CDC14A: variants seen among roughly 807,000 people sequenced by gnomAD.
CDC14A encodes the protein dual specificity protein phosphatase CDC14A.
In CDC14A, 53 loss-of-function variants were observed where a neutral mutation model predicts 74.4. The ratio of observed to expected loss-of-function variants is 0.71; its 90% CI spans 0.57 to 0.89. The LOEUF (loss-of-function observed/expected upper bound fraction) is 0.89. Among genes scored for constraint, CDC14A ranks in the 40% least tolerant of loss-of-function variants. The pLI is 0.00. For synonymous variants in CDC14A, 247 were observed against 258.4 expected (o/e 0.96, Z 0.43); for missense variants, 646 against 713.7 (o/e 0.91, Z 1.08).
At chr1:100,510,788 C>A (rs1430403626) in intron 15 of CDC14A, among the ~76,000 whole-genome samples, 1 of 152,166 alleles carries the variant, frequency 6.6e-6, no homozygotes. Context: ...TCTAATTTAC[C>A]CGGCCCTTCA....
At chr1:100,441,924 A>G (rs1393020976) in intron 6 of CDC14A, among the ~76,000 whole-genome samples, 1 of 152,172 alleles carries the variant, frequency 6.6e-6, no homozygotes, top group Non-Finnish European at 1.5e-5. Flanking sequence ...TGATAGATGT[A>G]CTGGAGCTTG....
intron 3 of CDC14A, 82 bp from the exon 4 acceptor site, chr1:100,390,650 G>A: frequency 1.2e-6 from 1 of 848,658 alleles, no homozygotes; most frequent in Admixed American, 1.9e-5. Flanking sequence ...ACATCTTGAA[G>A]GTTAAGAGAT....
chr1:100,412,768 T>A lies in CDC14A; in HGVS notation c.310-11454T>A, dbSNP rs984599278. ...TATATATATATTTTATATATATATA[T>A]TATATATATATATATAGTATGTATG... On this transcript the variant is annotated intron_variant, in intron 4 of 15. Transcript: ENST00000336454. Among the ~76,000 whole-genome samples the A allele has an allele frequency of 5.8e-4, 46 of 78,838 alleles. 1 individual carries two copies. Among genetic ancestry groups the A allele is most frequent in the Non-Finnish European group, 9.9e-4 (40 of 40,276 alleles). The allele number at this position is 78,838 out of a possible 152,430, so 51.7% of individuals were successfully genotyped here.
chr1:100,504,759 T>C, intron 15 of CDC14A: 1 of 1,334,278 alleles, frequency 7.5e-7, no homozygotes, highest in Non-Finnish European at 1.0e-6. Flanking sequence ...TCTGTAGTAT[T>C]GTATCTTTGC....
chr1:100,360,234 G>C (rs576069137), intron 2 of CDC14A, among the ~76,000 whole-genome samples: 1 of 151,522 alleles, frequency 6.6e-6, no homozygotes, highest in East Asian at 1.9e-4. Flanking sequence ...TTACAGGCAT[G>C]AGCCACTGTG....
At chr1:100,463,888 C>G (rs895760950) in intron 9 of CDC14A, among the ~76,000 whole-genome samples, 2 of 151,982 alleles carry the variant, frequency 1.3e-5, no homozygotes, top group Non-Finnish European at 2.9e-5. Context: ...TGCAGCTCCT[C>G]CTAGTGTCGC....
At chr1:100,467,581 G>T (rs941125851) in intron 9 of CDC14A, among the ~76,000 whole-genome samples, 1 of 151,878 alleles carries the variant, frequency 6.6e-6, no homozygotes, top group Non-Finnish European at 1.5e-5. Flanking sequence ...CATCTTTGTT[G>T]CAGTTGCTCA....
intron 10 of CDC14A, among the ~76,000 whole-genome samples, chr1:100,469,870 A>C (rs930143383): frequency 6.6e-6 from 1 of 152,190 alleles, no homozygotes; most frequent in Non-Finnish European, 1.5e-5. Context: ...GCCATATCTC[A>C]AAATAGTAAG....
At chr1:100,500,713 G>A (rs1445578811) in intron 15 of CDC14A, among the ~76,000 whole-genome samples, 2 of 128,052 alleles carry the variant, frequency 1.6e-5, no homozygotes, top group Admixed American at 9.4e-5. Context: ...ATCGTGCCAC[G>A]GCACTCCAGC....
intron 4 of CDC14A, among the ~76,000 whole-genome samples, chr1:100,406,840 C>T (rs1437765355): frequency 1.3e-5 from 2 of 151,630 alleles, no homozygotes; most frequent in African/African-American, 2.4e-5. Flanking sequence ...GCAGGAGAAT[C>T]ACCTGAACCC....
At chr1:100,494,296 G>C (rs1170207857) in intron 11 of CDC14A, among the ~76,000 whole-genome samples, 1 of 152,188 alleles carries the variant, frequency 6.6e-6, no homozygotes, top group Non-Finnish European at 1.5e-5. Flanking sequence ...AAGATCTAGT[G>C]AACATGGTCC....
chr1:100,450,639 C>T (rs546234757), intron 7 of CDC14A, among the ~76,000 whole-genome samples: 6 of 152,176 alleles, frequency 3.9e-5, no homozygotes, highest in South Asian at 2.1e-4. Flanking sequence ...TCCTGGCCAC[C>T]GCAACTGCAA....
intron 11 of CDC14A, chr1:100,485,696 C>T (rs1366617088): frequency 6.6e-6 from 1 of 152,236 alleles, no homozygotes; most frequent in East Asian, 1.9e-4. Flanking sequence ...GCTTAGCCCA[C>T]AAGGAGCCCA....
intron 5 of CDC14A, among the ~76,000 whole-genome samples, chr1:100,434,171 C>T (rs1380216319): frequency 2.6e-5 from 4 of 152,134 alleles, no homozygotes; most frequent in Admixed American, 1.3e-4. Context: ...TTTTTATAAC[C>T]ACTGTATAAT....
rs114105336 is a variant in CDC14A, at chr1:100,366,116, G to A, written c.141-11430G>A. Among the ~76,000 whole-genome samples, 908 of 152,318 alleles carry A rather than the reference G, an allele frequency of 6.0e-3. 10 individuals are homozygous for A. Among genetic ancestry groups the A allele is most frequent in the African/African-American group, 0.021 (887 of 41,568 alleles). ...CAATAGGCTTTTAGTAACTATTTGA[G>A]TGAGCAAGTGAATGAAGAGACAAAA... On this transcript the variant is annotated intron_variant, in intron 2 of 15. Transcript: ENST00000336454.
At chr1:100,376,734 G>T (rs1365411730) in intron 2 of CDC14A, among the ~76,000 whole-genome samples, 1 of 152,064 alleles carries the variant, frequency 6.6e-6, no homozygotes, top group Admixed American at 6.5e-5. Context: ...ATGAAGAGAG[G>T]GGGAGGAGCC....
intron 7 of CDC14A, among the ~76,000 whole-genome samples, chr1:100,445,998 TG>T (rs1299246686): frequency 2.6e-5 from 4 of 152,228 alleles, no homozygotes; most frequent in Non-Finnish European, 5.9e-5. Context: ...TGACAATCTG[TG>T]GGCCCAGTCA....
chr1:100,461,483 C>T (rs1190352783), intron 8 of CDC14A, among the ~76,000 whole-genome samples: 1 of 152,238 alleles, frequency 6.6e-6, no homozygotes, highest in African/African-American at 2.4e-5. Flanking sequence ...GAATGGGTTC[C>T]AACTGAGATA....
At position 100,390,932 on chromosome 1, in the gene CDC14A, T is replaced by C. The variant is rs749534528; in HGVS notation, c.309+108T>C. The C allele has an allele frequency of 9.2e-6, 7 of 764,332 alleles. No homozygotes were observed. In the African/African-American group the frequency reaches 1.2e-4, roughly 13 times the overall value. 47.3% of individuals were successfully genotyped at this position (764,332 alleles called of 1,614,324 possible). A position where few individuals can be genotyped will look rare whatever the true frequency, so the allele number is the denominator to read the frequency against. ...CAGTGGGATTGAGAGACGGTGGAGA[T>C]TATTAGCAGTTTGGGAATTGATCTG... On this transcript the variant is annotated intron_variant, in intron 4 of 15. Coordinates refer to ENST00000336454, the MANE Select transcript of CDC14A (RefSeq NM_003672.4).
Sources: gnomAD v4.1 joint callset for allele counts (sites outside exome capture counted in the v4.1 genomes callset) on GRCh38, gnomAD v4.1.1 for gene constraint, MANE v1.5 for transcripts, NCBI Gene and HGNC (gene_info 2026-07-23, HGNC 2026-07-21) for gene names.